The following NAV1 variants were observed in gnomAD, a reference collection of about 807,000 sequenced individuals.
The protein encoded by NAV1 is pore membrane and/or filament interacting like protein 3.
Under a neutral mutation model 175.2 loss-of-function variants are expected in NAV1, and 18 were observed. The observed-to-expected ratio is 0.10, with a 90% confidence interval of 0.07 to 0.15. NAV1 has a LOEUF of 0.15. NAV1 is among the 10% of genes least tolerant of loss of function. The pLI, the probability that NAV1 is intolerant of heterozygous loss-of-function variation, is 1.00. For synonymous variants in NAV1, 897 were observed against 978.7 expected, an observed-to-expected ratio of 0.92 and a Z score of 1.56; for missense variants, 1,731 against 2,436.6, an observed-to-expected ratio of 0.71 and a Z score of 6.10.
At chr1:201,654,681 C>A (rs1669332893) in intron 1 of NAV1, among the ~76,000 whole-genome samples, 1 of 152,094 alleles carries the variant, frequency 6.6e-6, no homozygotes, top group African/African-American at 2.4e-5. Flanking sequence ...GTCCCTTTCT[C>A]TCTGCAGAGC....
intron 3 of NAV1, among the ~76,000 whole-genome samples, chr1:201,722,595 G>C (rs747866953): frequency 6.6e-6 from 1 of 152,016 alleles, no homozygotes. Context: ...CCCTGCTTTC[G>C]GTTCTTTTTG....
chr1:201,746,920 C>T (rs949314433), intron 3 of NAV1, among the ~76,000 whole-genome samples: 4 of 151,644 alleles, frequency 2.6e-5, no homozygotes, highest in Admixed American at 6.6e-5. Context: ...GGGAGGGTCG[C>T]TTGAGCCCAG....
At chr1:201,764,407 T>G (rs774727737) in intron 3 of NAV1, among the ~76,000 whole-genome samples, 1 of 152,224 alleles carries the variant, frequency 6.6e-6, no homozygotes, top group Non-Finnish European at 1.5e-5. Flanking sequence ...ACCTTCTCAC[T>G]GTGTCCTCAC....
intron 15 of NAV1, among the ~76,000 whole-genome samples, chr1:201,802,215 A>G (rs181741150): frequency 1.8e-4 from 27 of 146,528 alleles, no homozygotes; most frequent in African/African-American, 5.4e-4. Context: ...TGAGGCAGGA[A>G]AATCGTTTGA....
chr1:201,568,018 T>C (rs980529323), intron 1 of NAV1, among the ~76,000 whole-genome samples: 2 of 152,114 alleles, frequency 1.3e-5, no homozygotes, highest in African/African-American at 4.8e-5. Context: ...GCCATGCAAA[T>C]TGAGTACATA....
intron 1 of NAV1, among the ~76,000 whole-genome samples, chr1:201,686,328 T>G (rs1274834732): frequency 6.6e-6 from 1 of 151,242 alleles, no homozygotes; most frequent in Non-Finnish European, 1.5e-5. Flanking sequence ...TCCCCCAGGG[T>G]ACCATGCTCT....
intron 7 of NAV1, 84 bp from the exon 12 acceptor site, chr1:201,785,226 C>T (rs543456554): frequency 6.8e-7 from 1 of 1,474,492 alleles, no homozygotes; most frequent in East Asian, 2.3e-5. Context: ...ATACCTCACA[C>T]CAATGGTCCT....
intron 2 of NAV1, among the ~76,000 whole-genome samples, chr1:201,595,084 A>G (rs944538767): frequency 3.3e-5 from 5 of 152,216 alleles, no homozygotes; most frequent in African/African-American, 1.2e-4. Context: ...ACTGTATCCA[A>G]GCACACCTCC....
chr1:201,808,385 A>G lies in NAV1; in HGVS notation c.3846-33A>G. 6.3e-7 allele frequency: 1 copy of G among 1,585,138 alleles called. No homozygotes were observed. Among genetic ancestry groups the G allele is most frequent in the South Asian group, 1.2e-5 (1 of 86,326 alleles). ...TCTCTAGTAACTCTAGTGCTTCTTC[A>G]TGTAGCCTGGCTTGACTCTTGCTAT... is the stretch of plus-strand genomic sequence containing the variant. On this transcript the variant is annotated intron_variant, in intron 18 of 29. Transcript: ENST00000367296. The surrounding 1 kb of genome is among the most constrained non-coding windows in gnomAD (Gnocchi z 5.5).
intron 1 of NAV1, among the ~76,000 whole-genome samples, chr1:201,652,869 C>A (rs1468773638): frequency 2.0e-5 from 3 of 152,118 alleles, no homozygotes; most frequent in Non-Finnish European, 4.4e-5. Flanking sequence ...TATTGTAAGT[C>A]AAAAATGCAT....
chr1:201,647,298 C>T (rs1379179278), upstream of NAV1, among the ~76,000 whole-genome samples: 2 of 152,106 alleles, frequency 1.3e-5, no homozygotes, highest in African/African-American at 4.8e-5. Flanking sequence ...TCCCCTGGGT[C>T]CAGTTAGGAG....
intron 1 of NAV1, among the ~76,000 whole-genome samples, chr1:201,653,681 G>A (rs912426157): frequency 2.0e-5 from 3 of 152,166 alleles, no homozygotes; most frequent in Admixed American, 6.5e-5. Context: ...GGTGATATGT[G>A]GAAACTTATC....
chr1:201,546,181 G>A (rs190352593), intron 1 of NAV1, among the ~76,000 whole-genome samples: 1 of 152,340 alleles, frequency 6.6e-6, no homozygotes, highest in East Asian at 1.9e-4. Context: ...GGCCCCTCTG[G>A]CTCTCCTTCC....
intron 8 of NAV1, among the ~76,000 whole-genome samples, chr1:201,785,788 C>CTTTTTTTTTT (rs34841837): frequency 3.0e-5 from 3 of 99,566 alleles, no homozygotes; most frequent in Non-Finnish European, 5.6e-5. Context: ...ACTATTGCAA[C>CTTTTTTTTTT]TTTTTTTTTT....
chr1:201,778,121 T>G (rs1050580588), intron 3 of NAV1, among the ~76,000 whole-genome samples: 28 of 152,166 alleles, frequency 1.8e-4, no homozygotes, highest in African/African-American at 5.8e-4. Flanking sequence ...AATTCTAGGC[T>G]TATACTTCCT....
At chr1:201,681,171 T>G (rs745740034) in intron 1 of NAV1, among the ~76,000 whole-genome samples, 17 of 152,136 alleles carry the variant, frequency 1.1e-4, no homozygotes, top group Non-Finnish European at 2.4e-4. Context: ...ACATCCTGAT[T>G]TCGCATCCAG....
At position 201,658,468 on chromosome 1, in the gene NAV1, T is replaced by TA. The variant is rs1193940802; in HGVS notation, c.757+9051dup. ...AAGGGTGAGATTCTGGCAGTAGAGG[T>TA]AAAAAAAACTAGAAAAGGAAGGGAG... is the stretch of plus-strand genomic sequence containing the variant. On this transcript the variant is annotated intron_variant, in intron 1 of 29. Coordinates refer to ENST00000367296, the Ensembl canonical transcript of NAV1. Among the ~76,000 whole-genome samples the TA allele has an allele frequency of 2.7e-4, 40 of 150,778 alleles. 1 individual carries two copies. Among genetic ancestry groups the TA allele is most frequent in the South Asian group, 8.4e-4 (4 of 4,750 alleles).
intron 1 of NAV1, among the ~76,000 whole-genome samples, chr1:201,629,098 C>T (rs532000473): frequency 4.6e-5 from 7 of 152,208 alleles, no homozygotes; most frequent in Non-Finnish European, 1.0e-4. Context: ...TAGGGTATCC[C>T]TCTGCCCTAT....
Position 201,808,466 on chromosome 1 carries a change from G to A in NAV1, c.3894G>A (p.Glu1298=). The A allele has an allele frequency of 6.2e-7, 1 of 1,614,174 alleles. No individual in the cohort carries two copies. The highest frequency in any genetic ancestry group is 8.5e-7 in the Non-Finnish European group (1 of 1,180,022). Residue 1298 remains glutamate, a synonymous_variant, in exon 19 of 30, where the codon GAG becomes GAA. Coordinates refer to ENST00000367296, the Ensembl canonical transcript of NAV1. This position sits in a 1 kb window ranked among gnomAD's most constrained non-coding sequence, Gnocchi z 5.5. ...ACACTAGGCTGTTCCATGCAAATGA[G>A]GAGGAGGAGCCAGAGAAGAAGGAGG... is the stretch of plus-strand genomic sequence containing the variant.
Sources: allele counts gnomAD v4.1 joint callset (sites outside exome capture counted in the v4.1 genomes callset), GRCh38; gene constraint gnomAD v4.1.1; non-coding constraint Gnocchi (gnomAD v3.1); transcripts MANE v1.5; gene names NCBI Gene and HGNC (gene_info 2026-07-23, HGNC 2026-07-21).